The following SLC5A6 variants were observed in gnomAD, a reference collection of about 807,000 sequenced individuals.
SLC5A6 encodes solute carrier family 5 member 6, also known as sodium-dependent multivitamin transporter.
Under a neutral mutation model 67.9 loss-of-function variants are expected in SLC5A6, and 31 were observed. The observed-to-expected ratio is 0.46, with a 90% CI of 0.34 to 0.62. SLC5A6 has a LOEUF of 0.62. Ranked by LOEUF, SLC5A6 falls within the 20% of genes least tolerant of loss-of-function variation. The pLI, the probability that SLC5A6 is intolerant of heterozygous loss-of-function variation, is 0.01. For synonymous variants in SLC5A6, 343 were observed against 331.0 expected (o/e 1.04, Z -0.39); for missense variants, 673 against 812.8 (o/e 0.83, Z 2.09).
At chr2:27,205,278 C>T (rs757171859) in intron 7 of SLC5A6, 72 bp downstream of exon 7, 39 of 1,487,412 alleles carry the variant, frequency 2.6e-5, no homozygotes, top group South Asian at 4.8e-5. Flanking sequence ...TTACTATAGC[C>T]AAGACCAGCC....
chr2:27,203,950 G>A, intron 9 of SLC5A6, 83 bp from the exon 10 acceptor site: 1 of 980,498 alleles, frequency 1.0e-6, no homozygotes, highest in Non-Finnish European at 1.6e-6. Flanking sequence ...CCCTTTACAT[G>A]TGCCCCAGCG....
Position 27,212,069 on chromosome 2 carries a change from T to C in SLC5A6, c.-257A>G. Reference sequence around the variant, plus strand: ...TTTCTGCGAAGCCGCGACCTCGGCGTCCGGACGCGGGGAACACCGGGCTGA... The same window carrying C: ...TTTCTGCGAAGCCGCGACCTCGGCGCCCGGACGCGGGGAACACCGGGCTGA... On this transcript the variant is annotated 5_prime_UTR_variant, in exon 1 of 17. Coordinates refer to ENST00000310574, the MANE Select transcript of SLC5A6 (RefSeq NM_021095.4). 8.1e-7 allele frequency: 1 copy of C among 1,230,550 alleles called. No homozygotes were observed. Among genetic ancestry groups the C allele is most frequent in the Non-Finnish European group, 1.1e-6 (1 of 912,304 alleles). The allele number at this position is 1,230,550 out of a possible 1,614,324, so 76.2% of individuals were successfully genotyped here.
Position 27,201,401 on chromosome 2 carries a change from G to A in SLC5A6, c.1597C>T (p.His533Tyr), listed in dbSNP as rs1673624911. Residue 533 changes from histidine to tyrosine, a missense_variant, in exon 15 of 17, where the codon CAC becomes TAC. By Grantham distance (83) the His-to-Tyr change is moderately conservative. Coordinates refer to ENST00000310574, the MANE Select transcript of SLC5A6 (RefSeq NM_021095.4). ...ACCACAATCACTGTGGTGGAGTTGT[G>A]AGCACTGTACCATAAGTAAGACAAG... ...YSLSYLWYSA[H>Y]NSTTVIVVGL... 1 of 1,613,756 alleles carries A rather than the reference G, an allele frequency of 6.2e-7. No individual in the cohort carries two copies. Among genetic ancestry groups the A allele is most frequent in the East Asian group, 2.2e-5 (1 of 44,872 alleles).
At chr2:27,203,517 T>G (rs1312921700) in intron 10 of SLC5A6, among the ~76,000 whole-genome samples, 172 bp from the exon 11 acceptor site, 1 of 151,872 alleles carries the variant, frequency 6.6e-6, no homozygotes, top group Non-Finnish European at 1.5e-5. Flanking sequence ...AAGGACACAG[T>G]CCTTTTTTGA....
intron 12 of SLC5A6, 74 bp from the exon 13 acceptor site, chr2:27,202,148 G>T: frequency 9.6e-7 from 1 of 1,038,660 alleles, no homozygotes; most frequent in Non-Finnish European, 1.5e-6. Flanking sequence ...ATAAAGCATA[G>T]CCACCAGCCA....
intron 2 of SLC5A6, among the ~76,000 whole-genome samples, chr2:27,209,690 T>C (rs1283051365): frequency 2.0e-5 from 3 of 152,220 alleles, no homozygotes; most frequent in East Asian, 1.9e-4. Context: ...ACATAAACTA[T>C]GTCTTCTGCT....
At chr2:27,203,463 C>T in intron 10 of SLC5A6, 118 bp from the exon 11 acceptor site, 3 of 876,564 alleles carry the variant, frequency 3.4e-6, no homozygotes, top group Admixed American at 2.5e-5. Context: ...AAGAAACCTC[C>T]TCATAGTTGG....
chr2:27,204,805 C>T lies in SLC5A6; in HGVS notation c.861G>A (p.Glu287=), dbSNP rs751173585. 23 of 1,614,066 alleles carry T rather than the reference C, an allele frequency of 1.4e-5. No homozygotes were observed. Among genetic ancestry groups the T allele is most frequent in the South Asian group, 4.4e-5 (4 of 91,096 alleles). Residue 287 remains glutamate (E), a synonymous_variant, in exon 8 of 17, where the codon GAG becomes GAA. Transcript: ENST00000310574. ...QVQRYLSSRT[E]KAAVLSCYAV... ...CCTGCACTCACAGCACAGCAGCCTT[C>T]TCCGTGCGGGAACTGAGGTACCGCT... is the stretch of plus-strand genomic sequence containing the variant.
chr2:27,206,290 T>G (rs1674058578), intron 5 of SLC5A6, 193 bp downstream of exon 5: 1 of 697,858 alleles, frequency 1.4e-6, no homozygotes, highest in Non-Finnish European at 2.5e-6. Context: ...TAGGGCATGG[T>G]AACATGTTAC....
Position 27,201,384 on chromosome 2 carries a change from C to T in SLC5A6, c.1614G>A (p.Val538=). 1 of 1,610,760 alleles carries T rather than the reference C, an allele frequency of 6.2e-7. No homozygotes were observed. Among genetic ancestry groups the T allele is most frequent in the Non-Finnish European group, 8.5e-7 (1 of 1,176,934 alleles). ...LWYSAHNSTT[V]IVVGLIVSLL... ...GACTGACAATCAGGCCCACCACAAT[C>T]ACTGTGGTGGAGTTGTGAGCACTGT... The change falls in exon 15 of 17, where the codon GTG becomes GTA. Residue 538 remains valine (V), a synonymous_variant. Transcript: ENST00000310574.
At chr2:27,205,048 G>A in intron 7 of SLC5A6, 117 bp from the exon 8 acceptor site, 1 of 1,247,126 alleles carries the variant, frequency 8.0e-7, no homozygotes, top group Non-Finnish European at 1.1e-6. Context: ...GGGCCAAGGG[G>A]GACACTGAAA....
At position 27,207,030 on chromosome 2, in the gene SLC5A6, G is replaced by A. The variant is rs1034789242; in HGVS notation, c.394-88C>T. The A allele has an allele frequency of 1.6e-6, 2 of 1,237,688 alleles. No homozygotes were observed. The highest frequency in any genetic ancestry group is 3.4e-5 in the Admixed American group (2 of 59,480). The allele number at this position is 1,237,688 out of a possible 1,614,324, so 76.7% of individuals were successfully genotyped here. On this transcript the variant is annotated intron_variant, in intron 3 of 16. Transcript: ENST00000310574. This position sits in a 1 kb window ranked among gnomAD's most constrained non-coding sequence, Gnocchi z 5.5. The stretch of plus-strand genomic sequence containing the variant: ...CCTCAAGATGCTCAGGAACATGAGG[G>A]AATATCCAACCCATACCCACTCTGA...
chr2:27,211,946 T>A (rs548557718), intron 1 of SLC5A6, 74 bp downstream of exon 1: 1 of 449,862 alleles, frequency 2.2e-6, no homozygotes, highest in East Asian at 4.4e-5. Context: ...CCGAGAGCCC[T>A]GGCCGGGAGC....
chr2:27,205,539 C>G (rs1397709376), intron 6 of SLC5A6, 35 bp from the exon 7 acceptor site: 1 of 1,611,562 alleles, frequency 6.2e-7, no homozygotes, highest in Non-Finnish European at 8.5e-7. Flanking sequence ...GCCACAGAGG[C>G]CTTCTAAACC....
intron 5 of SLC5A6, 54 bp downstream of exon 5, chr2:27,206,429 A>C: frequency 6.5e-7 from 1 of 1,537,802 alleles, no homozygotes; most frequent in Non-Finnish European, 9.0e-7. Flanking sequence ...CCTCTCCCAA[A>C]GGTGCTTTCC....
chr2:27,208,840 A>G (rs960775890), intron 2 of SLC5A6, among the ~76,000 whole-genome samples: 3 of 152,198 alleles, frequency 2.0e-5, no homozygotes, highest in African/African-American at 7.2e-5. Context: ...AACAGGGAAG[A>G]GGGAGCTCAT....
chr2:27,203,042 T>C, intron 11 of SLC5A6, 162 bp from the exon 12 acceptor site: 2 of 1,495,964 alleles, frequency 1.3e-6, no homozygotes, highest in Non-Finnish European at 1.8e-6. Flanking sequence ...TCCTCACTCC[T>C]ATGTGACTCA....
intron 2 of SLC5A6, among the ~76,000 whole-genome samples, chr2:27,210,795 G>A (rs1166657208): frequency 1.3e-5 from 2 of 151,930 alleles, no homozygotes; most frequent in African/African-American, 2.4e-5. Flanking sequence ...AGGCCGAGGC[G>A]GGCAGATCAC....
In SLC5A6 at chr2:27,201,803, C is replaced by T; in HGVS notation, c.1407G>A (p.Trp469Ter). The T allele has an allele frequency of 6.2e-7, 1 of 1,614,174 alleles. No individual in the cohort carries two copies. ...TGGTCACGATGCTCCCGATGCCAAT[C>T]CAGAAGGCCATGACGAGCCCAGCCA... ...GLLAGLVMAF[W>*]IGIGSIVTSM... Residue 469 changes from tryptophan (W) to a stop codon, truncating the protein, a stop_gained, in exon 14 of 17, where the codon TGG becomes TGA. Transcript: ENST00000310574. LOFTEE classifies it high-confidence loss of function.
Sources: allele counts gnomAD v4.1 joint callset (sites outside exome capture counted in the v4.1 genomes callset), GRCh38; gene constraint gnomAD v4.1.1; non-coding constraint Gnocchi (gnomAD v3.1); transcripts MANE v1.5; gene names NCBI Gene and HGNC (gene_info 2026-07-23, HGNC 2026-07-21).